UBE2V2: variants seen among roughly 807,000 people sequenced by gnomAD.
UBE2V2 encodes ubiquitin conjugating enzyme E2 V2, also known as ubiquitin-conjugating enzyme E2 variant 2.
In UBE2V2, 9 loss-of-function variants were observed where a neutral mutation model predicts 17.2. That is an observed-to-expected ratio of 0.52 (90% confidence interval 0.32 to 0.91). The LOEUF is 0.91. UBE2V2 is among the 40% of genes least tolerant of loss of function. The pLI, the probability that UBE2V2 is intolerant of heterozygous loss-of-function variation, is 0.04. For synonymous variants in UBE2V2, 61 were observed against 57.5 expected, an observed-to-expected ratio of 1.06 and a Z score of -0.28; for missense variants, 133 against 182.6, an observed-to-expected ratio of 0.73 and a Z score of 1.56.
At position 48,026,905 on chromosome 8, in the gene UBE2V2, G is replaced by A. The variant is rs571317266; in HGVS notation, c.17-16128G>A. ...CACGTTCCACCCCCGCCCCGCTTGA[G>A]TAGATACCTAGGAGTGGAACTGCTG... On this transcript the variant is annotated intron_variant, in intron 1 of 3. Coordinates refer to ENST00000523111, the MANE Select transcript of UBE2V2 (RefSeq NM_003350.3). 4.6e-5 allele frequency among the ~76,000 whole-genome samples: 7 copies of A among 152,314 alleles called. No homozygotes were observed. In the South Asian group the frequency reaches 1.2e-3, roughly 27 times the overall value.
rs11368838 is a variant in UBE2V2 at position 48,047,995 on chromosome 8, GT to G, written c.166-1839del. Among the ~76,000 whole-genome samples, 1,246 of 139,520 alleles carry G rather than the reference GT, an allele frequency of 8.9e-3. 13 individuals are homozygous for G. The highest frequency in any genetic ancestry group is 0.025 in the South Asian group (111 of 4,412). The allele number at this position is 139,520 out of a possible 152,430, so 91.5% of individuals were successfully genotyped here. ...AAAATCTTTCAGAAAAGAGCTTTGGGTTTTTTTTTTTTTTTTTTTAAACAAA... is the reference window on the plus strand; with the variant it reads ...AAAATCTTTCAGAAAAGAGCTTTGGGTTTTTTTTTTTTTTTTTTAAACAAA... On this transcript the variant is annotated intron_variant, in intron 2 of 3. Coordinates refer to ENST00000523111, the MANE Select transcript of UBE2V2 (RefSeq NM_003350.3).
At chr8:48,002,737 T>C in the UBE2V2 span, among the ~76,000 whole-genome samples, 1 of 152,042 alleles carries the variant, frequency 6.6e-6, no homozygotes, top group South Asian at 2.1e-4. Context: ...GTCAGTTAGA[T>C]AGGAGGAATA....
the UBE2V2 span, among the ~76,000 whole-genome samples, chr8:48,001,589 A>T: frequency 6.6e-5 from 10 of 152,250 alleles, no homozygotes; most frequent in East Asian, 1.9e-3. Context: ...ACAGAGTAAG[A>T]CCCTGTCTCA....
intron 1 of UBE2V2, among the ~76,000 whole-genome samples, chr8:48,031,689 T>C (rs777590253): frequency 6.6e-6 from 1 of 152,156 alleles, no homozygotes; most frequent in Non-Finnish European, 1.5e-5. Context: ...GGAGTCTTGC[T>C]CTGTCACCCA....
At chr8:48,054,474 T>C (rs1020733452) in intron 3 of UBE2V2, among the ~76,000 whole-genome samples, 5 of 152,216 alleles carry the variant, frequency 3.3e-5, no homozygotes, top group Admixed American at 2.6e-4. Flanking sequence ...TAATCATTAT[T>C]GGAGTGTAGA....
At chr8:48,045,621 C>T (rs1473928474) in intron 2 of UBE2V2, among the ~76,000 whole-genome samples, 2 of 152,148 alleles carry the variant, frequency 1.3e-5, no homozygotes, top group East Asian at 1.9e-4. Flanking sequence ...GCCAAGGTGC[C>T]GTATTTTGGG....
intron 1 of UBE2V2, among the ~76,000 whole-genome samples, chr8:48,013,823 G>A (rs991260844): frequency 2.0e-5 from 3 of 152,142 alleles, no homozygotes; most frequent in Non-Finnish European, 4.4e-5. Context: ...TGTATATACT[G>A]GAAGAACTAG....
In UBE2V2 at chr8:48,049,880, C is replaced by G. The variant is rs749773916; in HGVS notation, c.193C>G (p.Leu65Val). Reference sequence around the variant, plus strand: ...AAATTATGAAAACAGAATATATAGCCTGAAAGTAGAATGTGGACCTAAATA... The same window carrying G: ...AAATTATGAAAACAGAATATATAGCGTGAAAGTAGAATGTGGACCTAAATA... ...RTNYENRIYS[L>V]KVECGPKYPE... The change falls in exon 3 of 4, where the codon CTG becomes GTG. Residue 65 changes from leucine to valine, a missense_variant. Leu to Val is a conservative substitution (Grantham distance 32). This residue lies in a region of UBE2V2 where 92 missense variants were observed against 124.3 expected (regional missense o/e 0.74). Coordinates refer to ENST00000523111, the MANE Select transcript of UBE2V2 (RefSeq NM_003350.3). 22 of 1,588,312 alleles carry G rather than the reference C, an allele frequency of 1.4e-5. No individual in the cohort carries two copies. The highest frequency in any genetic ancestry group is 1.5e-5 in the Non-Finnish European group (17 of 1,171,484).
chr8:48,035,629 T>G (rs528546861), intron 1 of UBE2V2, among the ~76,000 whole-genome samples: 2,031 of 133,360 alleles, frequency 0.015, 27 homozygotes, highest in South Asian at 0.023. Flanking sequence ...GTTTTTTTTT[T>G]TTTGTGTGTG....
rs561823007 is a variant in UBE2V2, at chr8:48,055,967, C to T, written c.292-4715C>T. On this transcript the variant is annotated intron_variant, in intron 3 of 3. Transcript: ENST00000523111. ...TAGAGACGGGGTTTCACTGTGTTAGCCAGGATGGTCTGTATCTCCTGACCT... is the reference window on the plus strand; with the variant it reads ...TAGAGACGGGGTTTCACTGTGTTAGTCAGGATGGTCTGTATCTCCTGACCT... 4.1e-3 allele frequency among the ~76,000 whole-genome samples: 628 copies of T among 152,134 alleles called. 7 individuals are homozygous for T. The highest frequency in any genetic ancestry group is 7.9e-3 in the Admixed American group (120 of 15,286).
the UBE2V2 span, among the ~76,000 whole-genome samples, chr8:48,000,022 G>T: frequency 6.6e-6 from 1 of 152,362 alleles, no homozygotes; most frequent in Middle Eastern, 3.4e-3. Context: ...TAACATAACC[G>T]GTTAGGTCAG....
intron 1 of UBE2V2, among the ~76,000 whole-genome samples, chr8:48,036,611 C>G (rs1163628177): frequency 6.6e-6 from 1 of 151,222 alleles, no homozygotes; most frequent in East Asian, 2.0e-4. Flanking sequence ...TTTTTTGTAT[C>G]TTTAGGCTAG....
At chr8:48,040,396 T>G (rs1464719711) in intron 1 of UBE2V2, among the ~76,000 whole-genome samples, 2 of 152,194 alleles carry the variant, frequency 1.3e-5, no homozygotes, top group East Asian at 1.9e-4. Flanking sequence ...AAAATAATGA[T>G]AATAATATTT....
At chr8:48,021,885 G>A (rs1229363471) in intron 1 of UBE2V2, among the ~76,000 whole-genome samples, 1 of 150,636 alleles carries the variant, frequency 6.6e-6, no homozygotes, top group Admixed American at 6.6e-5. Flanking sequence ...TTACCATGTT[G>A]GTCAGGCTGG....
intron 1 of UBE2V2, among the ~76,000 whole-genome samples, chr8:48,017,574 T>C (rs2091278129): frequency 6.6e-6 from 1 of 151,960 alleles, no homozygotes; most frequent in African/African-American, 2.4e-5. Context: ...GATTTCTCCA[T>C]GTTGGTCAGG....
At chr8:48,055,046 T>A (rs1254394771) in intron 3 of UBE2V2, among the ~76,000 whole-genome samples, 3 of 152,136 alleles carry the variant, frequency 2.0e-5, no homozygotes, top group African/African-American at 7.2e-5. Context: ...CTTGGTATTC[T>A]CTCTACTTAT....
the UBE2V2 span, among the ~76,000 whole-genome samples, chr8:48,003,213 CAAAAAAA>C: frequency 8.5e-5 from 5 of 58,586 alleles, no homozygotes; most frequent in South Asian, 4.7e-4. Flanking sequence ...CTGTCTCAAA[CAAAAAAA>C]AAAAAAAAAA....
At chr8:48,011,569 T>A (rs2091231707) in intron 1 of UBE2V2, among the ~76,000 whole-genome samples, 1 of 152,262 alleles carries the variant, frequency 6.6e-6, no homozygotes, top group Admixed American at 6.5e-5. Context: ...TGTTTTGATC[T>A]TTAGTTCAGT....
chr8:48,044,227 C>T (rs959502560), intron 2 of UBE2V2, among the ~76,000 whole-genome samples: 8 of 152,066 alleles, frequency 5.3e-5, no homozygotes, highest in African/African-American at 1.4e-4. Flanking sequence ...GTGGTGTGAT[C>T]TCAGCATACT....
Sources: allele counts gnomAD v4.1 joint callset (sites outside exome capture counted in the v4.1 genomes callset), GRCh38; gene constraint gnomAD v4.1.1; regional missense constraint gnomAD v4.1.1; transcripts MANE v1.5; gene names NCBI Gene and HGNC (gene_info 2026-07-23, HGNC 2026-07-21).